The following BACE1 variants were observed in gnomAD, a reference collection of about 807,000 sequenced individuals.
The protein encoded by BACE1 is APP beta-secretase.
A neutral mutation model predicts 54.0 loss-of-function variants in BACE1; 21 were observed. The observed-to-expected ratio is 0.39, with a 90% CI of 0.28 to 0.56. The LOEUF is 0.56. Among genes scored for constraint, BACE1 ranks in the 20% least tolerant of loss-of-function variants. The pLI is 0.63. For synonymous variants in BACE1, 232 were observed against 260.9 expected (o/e 0.89, Z 1.07); for missense variants, 511 against 661.2 (o/e 0.77, Z 2.49).
chr11:117,309,303 A>C (rs1173876155), intron 1 of BACE1, among the ~76,000 whole-genome samples: 1 of 152,222 alleles, frequency 6.6e-6, no homozygotes, highest in East Asian at 1.9e-4. Flanking sequence ...TATACCTACA[A>C]GGATTCCTTA....
At chr11:117,295,623 G>A in intron 2 of BACE1, 1 of 1,533,450 alleles carries the variant, frequency 6.5e-7, no homozygotes, top group Non-Finnish European at 8.7e-7. Flanking sequence ...ACAAGCCTGG[G>A]CTTTGTGCAT....
At chr11:117,295,578 A>C (rs1167211521) in intron 2 of BACE1, 1 of 1,535,610 alleles carries the variant, frequency 6.5e-7, no homozygotes, top group South Asian at 1.2e-5. Context: ...TCTATTGCTC[A>C]TATTCCTAGA....
At chr11:117,297,129 A>G in intron 1 of BACE1, 168 bp from the exon 2 acceptor site, 1 of 588,790 alleles carries the variant, frequency 1.7e-6, no homozygotes, top group Non-Finnish European at 3.0e-6. Flanking sequence ...ACGACCACAG[A>G]CAGGACCTGG....
intron 1 of BACE1, among the ~76,000 whole-genome samples, chr11:117,313,108 C>A (rs1002139399): frequency 2.0e-5 from 3 of 152,218 alleles, no homozygotes; most frequent in Non-Finnish European, 4.4e-5. Flanking sequence ...TTGGCACTTA[C>A]AACAGCCGCG....
intron 1 of BACE1, among the ~76,000 whole-genome samples, chr11:117,306,589 C>T (rs560590558): frequency 1.6e-4 from 24 of 152,268 alleles, no homozygotes; most frequent in African/African-American, 5.8e-4. Context: ...GGGCGGATCA[C>T]TTGAGGTCAA....
At chr11:117,290,033 G>A (rs1417793323) in intron 8 of BACE1, among the ~76,000 whole-genome samples, 1 of 152,166 alleles carries the variant, frequency 6.6e-6, no homozygotes, top group Non-Finnish European at 1.5e-5. Flanking sequence ...CAGCTGGTAG[G>A]AGTGATAACT....
chr11:117,299,211 G>T (rs1409495912), intron 1 of BACE1, among the ~76,000 whole-genome samples: 1 of 152,154 alleles, frequency 6.6e-6, no homozygotes, highest in Non-Finnish European at 1.5e-5. Flanking sequence ...GGCAAAAAAA[G>T]GAAAGGCCCC....
chr11:117,292,055 C>T (rs1007647521), intron 5 of BACE1: 3 of 276,162 alleles, frequency 1.1e-5, no homozygotes, highest in African/African-American at 6.5e-5. Flanking sequence ...ATGTAAAGCA[C>T]TTAGAATCGT....
intron 5 of BACE1, chr11:117,292,683 C>A: frequency 6.1e-6 from 1 of 163,782 alleles, no homozygotes. Context: ...AGTAACTGGC[C>A]TAAGGGTACA....
rs576928485 is a variant in BACE1 at position 117,315,963 on chromosome 11, G to A, written c.-168C>T. 2.3e-4 allele frequency: 158 copies of A among 700,056 alleles called. No individual in the cohort carries two copies. In the African/African-American group the frequency reaches 2.7e-3, roughly 12 times the overall value. The allele number at this position is 700,056 out of a possible 1,614,324, so 43.4% of individuals were successfully genotyped here. On this transcript the variant is annotated 5_prime_UTR_variant, in exon 1 of 9. Coordinates refer to ENST00000313005, the MANE Select transcript of BACE1 (RefSeq NM_012104.6). The surrounding 1 kb of genome is among the most constrained non-coding windows in gnomAD (Gnocchi z 5.5). ...GGGCCAGCCCCCGGGTCCGGGCTGT[G>A]GAGAGCGGTCAGGGGAGATCCGCAG...
At chr11:117,295,560 C>G (rs2034577590) in intron 2 of BACE1, 6 of 1,535,568 alleles carry the variant, frequency 3.9e-6, no homozygotes, top group Non-Finnish European at 5.2e-6. Context: ...GTGAGGCTTG[C>G]TCTCCTATCT....
At chr11:117,294,890 A>G (rs906840286) in intron 3 of BACE1, among the ~76,000 whole-genome samples, 8 of 152,056 alleles carry the variant, frequency 5.3e-5, no homozygotes, top group African/African-American at 1.9e-4. Flanking sequence ...CGTCTCAAAA[A>G]AAAAAAGATC....
intron 1 of BACE1, among the ~76,000 whole-genome samples, chr11:117,311,436 C>T (rs900502635): frequency 2.0e-5 from 3 of 152,148 alleles, no homozygotes; most frequent in Non-Finnish European, 2.9e-5. Context: ...ATCAGAATCT[C>T]AAAACCATCT....
Position 117,290,663 on chromosome 11 carries a change from G to C in BACE1, c.1093-4C>G, listed in dbSNP as rs780406532. On this transcript the variant is annotated splice_region_variant and splice_polypyrimidine_tract_variant and intron_variant, in intron 7 of 8. Transcript: ENST00000313005. ...CTTCCACTGGCCGCAGGTATTGCTAGGGGTAAGCAATCACAGGGTGAGTGT... is the reference window on the plus strand; with the variant it reads ...CTTCCACTGGCCGCAGGTATTGCTACGGGTAAGCAATCACAGGGTGAGTGT... The C allele has an allele frequency of 2.2e-5, 36 of 1,613,550 alleles. No individual in the cohort carries two copies. Among genetic ancestry groups the C allele is most frequent in the Non-Finnish European group, 3.1e-5 (36 of 1,179,892 alleles).
chr11:117,290,743 T>G, intron 7 of BACE1, 84 bp from the exon 8 acceptor site: 3 of 1,571,162 alleles, frequency 1.9e-6, no homozygotes, highest in Non-Finnish European at 2.6e-6. Flanking sequence ...TGCCCTTCCC[T>G]TTACCATCCC....
At chr11:117,291,972 C>A in intron 5 of BACE1, 159 bp from the exon 6 acceptor site, 2 of 513,858 alleles carry the variant, frequency 3.9e-6, no homozygotes, top group Non-Finnish European at 3.6e-6. Flanking sequence ...TGCCTCAGTT[C>A]CTTCATCTCT....
intron 1 of BACE1, among the ~76,000 whole-genome samples, chr11:117,307,292 C>CCAAAGTG (rs2034851285): frequency 6.6e-6 from 1 of 151,992 alleles, no homozygotes; most frequent in Non-Finnish European, 1.5e-5. Flanking sequence ...TGGGGGCTTC[C>CCAAAGTG]CTGGGAGGTG....
chr11:117,308,550 CACTT>C (rs1377253053), intron 1 of BACE1, among the ~76,000 whole-genome samples: 22 of 152,204 alleles, frequency 1.4e-4, no homozygotes, highest in African/African-American at 5.1e-4. Context: ...TTGGACAAGA[CACTT>C]AGTCTCTCTG....
Position 117,286,604 on chromosome 11 carries a change from A to G in BACE1, c.*2962T>C, listed in dbSNP as rs28989513. The G allele has an allele frequency of 2.0e-3, 303 of 152,748 alleles. 1 individual carries two copies. The highest frequency in any genetic ancestry group is 7.1e-3 in the African/African-American group (294 of 41,554). 9.5% of individuals were successfully genotyped at this position (152,748 alleles called of 1,614,324 possible). A position where few individuals can be genotyped will look rare whatever the true frequency, so the allele number is the denominator to read the frequency against. ...AAGACTTTTCCTTTCAGACCCAACT[A>G]AATGATCTCCTTTCTGCCTTTGATA... On this transcript the variant is annotated 3_prime_UTR_variant, in exon 9 of 9. Coordinates refer to ENST00000313005, the MANE Select transcript of BACE1 (RefSeq NM_012104.6).
Sources: allele counts gnomAD v4.1 joint callset (sites outside exome capture counted in the v4.1 genomes callset), GRCh38; gene constraint gnomAD v4.1.1; non-coding constraint Gnocchi (gnomAD v3.1); transcripts MANE v1.5; gene names NCBI Gene and HGNC (gene_info 2026-07-23, HGNC 2026-07-21).